The following DLG2 variants were observed in gnomAD, a reference collection of about 807,000 sequenced individuals.
DLG2 encodes the protein discs large MAGUK scaffold protein 2, also known as disks large homolog 2.
DLG2 carries 45 observed loss-of-function variants against 132.5 expected under a neutral mutation model. The ratio of observed to expected loss-of-function variants is 0.34; its 90% CI spans 0.27 to 0.44. The LOEUF (loss-of-function observed/expected upper bound fraction) is 0.44. DLG2 is among the 20% of genes least tolerant of loss of function. The probability of loss-of-function intolerance (pLI) is 1.00; values close to 1 mark genes in which losing one functional copy is unlikely to be tolerated. For synonymous variants in DLG2, 424 were observed against 419.6 expected (o/e 1.01, Z -0.13); for missense variants, 1,045 against 1,196.9 (o/e 0.87, Z 1.87).
chr11:84,058,962 A>G (rs1304308902), intron 11 of DLG2, among the ~76,000 whole-genome samples: 1 of 152,082 alleles, frequency 6.6e-6, no homozygotes, highest in Non-Finnish European at 1.5e-5. Context: ...TATTTATATT[A>G]CTATTTTGCC....
chr11:84,763,917 ACAT>A (rs1479290933), intron 6 of DLG2, among the ~76,000 whole-genome samples: 1 of 152,172 alleles, frequency 6.6e-6, no homozygotes, highest in African/African-American at 2.4e-5. Flanking sequence ...GTGAGGGGCT[ACAT>A]CAGCAAAAGC....
chr11:84,996,441 A>T (rs963882471), intron 6 of DLG2, among the ~76,000 whole-genome samples: 3 of 152,086 alleles, frequency 2.0e-5, no homozygotes, highest in African/African-American at 7.2e-5. Flanking sequence ...CTATCTTTCA[A>T]TTCAGATCTG....
At chr11:83,958,522 C>G (rs539454606) in intron 14 of DLG2, among the ~76,000 whole-genome samples, 3 of 152,122 alleles carry the variant, frequency 2.0e-5, no homozygotes, top group Non-Finnish European at 4.4e-5. Flanking sequence ...ATTTAGGTCC[C>G]TGGGTTTCAT....
At chr11:83,634,015 G>C (rs561351104) in intron 18 of DLG2, among the ~76,000 whole-genome samples, 2 of 152,048 alleles carry the variant, frequency 1.3e-5, no homozygotes, top group East Asian at 3.9e-4. Context: ...ATAGGGTATT[G>C]AGGAGAGACT....
chr11:84,035,210 C>T lies in DLG2; in HGVS notation c.919+24105G>A, dbSNP rs1593596191. 2.0e-5 allele frequency among the ~76,000 whole-genome samples: 3 copies of T among 152,212 alleles called. No homozygotes were observed. In the South Asian group the frequency reaches 6.2e-4, roughly 32 times the overall value. ...GCCTTCTGGAATGACAGAATTCTTTCCTATTACAACTCTATTTTTCTCATG... is the reference window on the plus strand; with the variant it reads ...GCCTTCTGGAATGACAGAATTCTTTTCTATTACAACTCTATTTTTCTCATG... On this transcript the variant is annotated intron_variant, in intron 11 of 27. Coordinates refer to ENST00000376104, the MANE Select transcript of DLG2 (RefSeq NM_001142699.3).
chr11:85,106,562 A>G (rs1239814257), intron 6 of DLG2, among the ~76,000 whole-genome samples: 1 of 151,870 alleles, frequency 6.6e-6, no homozygotes, highest in Admixed American at 6.6e-5. Flanking sequence ...ATCCTGTCCC[A>G]TGCACTCCCT....
intron 3 of DLG2, among the ~76,000 whole-genome samples, chr11:85,422,478 G>A (rs994199763): frequency 6.6e-6 from 1 of 151,318 alleles, no homozygotes; most frequent in Admixed American, 6.6e-5. Flanking sequence ...TTCTATTGTT[G>A]AGATTTTCCA....
intron 18 of DLG2, among the ~76,000 whole-genome samples, chr11:83,771,405 A>T (rs2094387162): frequency 6.6e-6 from 1 of 152,244 alleles, no homozygotes. Flanking sequence ...AGAAAATAAA[A>T]ATACAGCAAT....
At chr11:84,166,368 G>A (rs1381924382) in intron 8 of DLG2, among the ~76,000 whole-genome samples, 2 of 151,874 alleles carry the variant, frequency 1.3e-5, no homozygotes, top group East Asian at 3.9e-4. Flanking sequence ...TGGGCAGGGT[G>A]GCGTGCACCT....
intron 6 of DLG2, among the ~76,000 whole-genome samples, chr11:85,087,042 C>A (rs925649037): frequency 6.6e-6 from 1 of 152,104 alleles, no homozygotes; most frequent in African/African-American, 2.4e-5. Flanking sequence ...TTGCTCTGTT[C>A]ATTCATTTGC....
chr11:85,001,570 C>A (rs188115645), intron 6 of DLG2, among the ~76,000 whole-genome samples: 1 of 152,004 alleles, frequency 6.6e-6, no homozygotes, highest in Non-Finnish European at 1.5e-5. Flanking sequence ...GATTCTTAAG[C>A]CTGATTGACA....
chr11:85,155,962 C>G (rs1367652740), intron 4 of DLG2, among the ~76,000 whole-genome samples: 1 of 152,072 alleles, frequency 6.6e-6, no homozygotes, highest in Non-Finnish European at 1.5e-5. Flanking sequence ...TTTGCCAACT[C>G]TCCTCTGGCT....
chr11:84,400,995 C>T (rs931371233), intron 7 of DLG2, among the ~76,000 whole-genome samples: 6 of 152,120 alleles, frequency 3.9e-5, no homozygotes, highest in African/African-American at 1.2e-4. Flanking sequence ...ACATAGTTAA[C>T]ATTCATTGAG....
At chr11:85,271,434 G>C (rs2077521984) in intron 4 of DLG2, among the ~76,000 whole-genome samples, 1 of 152,230 alleles carries the variant, frequency 6.6e-6, no homozygotes, top group Non-Finnish European at 1.5e-5. Context: ...CCCCCACACA[G>C]AGTCCCCACT....
intron 16 of DLG2, among the ~76,000 whole-genome samples, chr11:83,850,301 G>C (rs1464918269): frequency 6.6e-6 from 1 of 151,996 alleles, no homozygotes; most frequent in South Asian, 2.1e-4. Context: ...TTACAGGCAT[G>C]TGCCACCACT....
chr11:85,621,991 T>C (rs988048848), intron 2 of DLG2, among the ~76,000 whole-genome samples: 2 of 152,214 alleles, frequency 1.3e-5, no homozygotes, highest in Non-Finnish European at 2.9e-5. Context: ...GCAAACTTCA[T>C]TGTTGTCCTA....
intron 9 of DLG2, among the ~76,000 whole-genome samples, chr11:84,132,411 T>C (rs1430398640): frequency 6.6e-6 from 1 of 151,936 alleles, no homozygotes; most frequent in African/African-American, 2.4e-5. Flanking sequence ...GATAAAATAA[T>C]TTGACTCCCT....
intron 18 of DLG2, among the ~76,000 whole-genome samples, chr11:83,762,860 C>T (rs1178338392): frequency 2.6e-5 from 4 of 152,180 alleles, no homozygotes; most frequent in South Asian, 2.1e-4. Context: ...GGATTACAGG[C>T]GTGAGCCAAT....
chr11:83,729,368 TAG>T (rs2090578621), intron 18 of DLG2, among the ~76,000 whole-genome samples: 1 of 152,056 alleles, frequency 6.6e-6, no homozygotes. Context: ...AAAACAAAGG[TAG>T]AGTTTTTCAA....
Sources: gnomAD v4.1 joint callset for allele counts (sites outside exome capture counted in the v4.1 genomes callset) on GRCh38, gnomAD v4.1.1 for gene constraint, MANE v1.5 for transcripts, NCBI Gene and HGNC (gene_info 2026-07-23, HGNC 2026-07-21) for gene names.